Variants in CTNNA3 observed in about 807,000 individuals in gnomAD.
CTNNA3 encodes the protein catenin alpha 3.
In CTNNA3, 76 loss-of-function variants were observed where a neutral mutation model predicts 95.7. That is an observed-to-expected ratio of 0.79 (90% CI 0.66 to 0.96). The LOEUF is 0.96. CTNNA3 is among the 40% of genes least tolerant of loss of function. CTNNA3 has a pLI of 0.00. For synonymous variants in CTNNA3, 431 were observed against 374.4 expected, an observed-to-expected ratio of 1.15 and a Z score of -1.74; for missense variants, 1,191 against 1,089.8, an observed-to-expected ratio of 1.09 and a Z score of -1.31.
At chr10:66,346,377 C>G (rs1330939947) in intron 12 of CTNNA3, among the ~76,000 whole-genome samples, 1 of 151,088 alleles carries the variant, frequency 6.6e-6, no homozygotes, top group Non-Finnish European at 1.5e-5. Context: ...CTCCTGAGTT[C>G]AAGCAATTAT....
chr10:67,490,049 C>T (rs1349224609), intron 5 of CTNNA3, among the ~76,000 whole-genome samples: 1 of 152,018 alleles, frequency 6.6e-6, no homozygotes, highest in Non-Finnish European at 1.5e-5. Flanking sequence ...ATGTATTTTC[C>T]CACTGGTCAT....
At chr10:66,127,446 C>T (rs1170961427) in intron 13 of CTNNA3, among the ~76,000 whole-genome samples, 1 of 152,062 alleles carries the variant, frequency 6.6e-6, no homozygotes, top group African/African-American at 2.4e-5. Context: ...TATTCCCAGA[C>T]TAATCATAAG....
At chr10:66,452,497 G>A (rs1026330067) in intron 11 of CTNNA3, among the ~76,000 whole-genome samples, 5 of 152,040 alleles carry the variant, frequency 3.3e-5, no homozygotes, top group South Asian at 4.2e-4. Context: ...AGCTAACTAC[G>A]GGAGAAACTT....
At chr10:66,161,379 A>C (rs536636814) in intron 13 of CTNNA3, among the ~76,000 whole-genome samples, 27 of 152,266 alleles carry the variant, frequency 1.8e-4, no homozygotes, top group Non-Finnish European at 2.8e-4. Context: ...AGCCATTCTT[A>C]TAGTGGTGGC....
At position 65,987,096 on chromosome 10, in the gene CTNNA3, A is replaced by T. The variant is rs920761888; in HGVS notation, c.2265+1596T>A. 2.0e-4 allele frequency among the ~76,000 whole-genome samples: 30 copies of T among 151,960 alleles called. 1 individual carries two copies. The highest frequency in any genetic ancestry group is 6.8e-4 in the African/African-American group (28 of 41,436). On this transcript the variant is annotated intron_variant, in intron 16 of 17. Coordinates refer to ENST00000433211, the MANE Select transcript of CTNNA3 (RefSeq NM_013266.4). ...GCATAAAATCCAAAACTATAAAACT[A>T]GTAGAAGAAAACACGGGGCTTCAGG...
chr10:66,282,880 T>G (rs1589028278), intron 12 of CTNNA3, among the ~76,000 whole-genome samples: 1 of 151,966 alleles, frequency 6.6e-6, no homozygotes, highest in East Asian at 1.9e-4. Flanking sequence ...AATGATCGAA[T>G]GAATTAAGTG....
Position 66,388,337 on chromosome 10 carries a change from G to A in CTNNA3, c.1532-8985C>T, listed in dbSNP as rs562455758. On this transcript the variant is annotated intron_variant, in intron 11 of 17. Transcript: ENST00000433211. ...ACTATGTAATTTCTCTTTAATTAAA[G>A]ATGAAATGATAGCTTGTACAAACTA... 2.5e-3 allele frequency among the ~76,000 whole-genome samples: 382 copies of A among 152,196 alleles called. 1 individual carries two copies. The highest frequency in any genetic ancestry group is 4.0e-3 in the Non-Finnish European group (273 of 67,998).
intron 7 of CTNNA3, among the ~76,000 whole-genome samples, chr10:67,129,469 T>G (rs893584922): frequency 1.3e-5 from 2 of 152,162 alleles, no homozygotes; most frequent in Non-Finnish European, 1.5e-5. Context: ...CAAACAGTTA[T>G]GAATTAAATC....
chr10:66,222,990 G>A (rs190243812), intron 13 of CTNNA3, among the ~76,000 whole-genome samples: 275 of 152,030 alleles, frequency 1.8e-3, no homozygotes, highest in Non-Finnish European at 3.4e-3. Flanking sequence ...TTTAGAGTGT[G>A]GATACTTAGA....
chr10:66,033,356 C>T lies in CTNNA3; in HGVS notation c.2159+35952G>A, dbSNP rs373519187. 1.8e-4 allele frequency among the ~76,000 whole-genome samples: 28 copies of T among 151,934 alleles called. No individual in the cohort carries two copies. In the South Asian group the frequency reaches 4.4e-3, roughly 24 times the overall value. On this transcript the variant is annotated intron_variant, in intron 15 of 17. Coordinates refer to ENST00000433211, the MANE Select transcript of CTNNA3 (RefSeq NM_013266.4). Reference sequence around the variant, plus strand: ...TTCACCATGTTAGCCGGGATGATCTCGATCTCCTGACCTCGTGGTCTGCCC... The same window carrying T: ...TTCACCATGTTAGCCGGGATGATCTTGATCTCCTGACCTCGTGGTCTGCCC...
At chr10:66,949,527 C>T (rs1269963610) in intron 7 of CTNNA3, among the ~76,000 whole-genome samples, 1 of 151,416 alleles carries the variant, frequency 6.6e-6, no homozygotes, top group African/African-American at 2.4e-5. Flanking sequence ...CATTGGACTC[C>T]ATCCTGGGCA....
chr10:66,733,312 T>C (rs1184465525), intron 9 of CTNNA3, among the ~76,000 whole-genome samples: 1 of 152,052 alleles, frequency 6.6e-6, no homozygotes, highest in African/African-American at 2.4e-5. Flanking sequence ...TTTTTTAAAT[T>C]TGTGCTAAGT....
chr10:67,003,906 G>A (rs1851820811), intron 7 of CTNNA3, among the ~76,000 whole-genome samples: 3 of 152,174 alleles, frequency 2.0e-5, no homozygotes, highest in Admixed American at 1.3e-4. Flanking sequence ...TAAACTGTGA[G>A]ACTATACCTT....
At chr10:65,956,151 T>C (rs1203301188) in intron 17 of CTNNA3, among the ~76,000 whole-genome samples, 1 of 152,200 alleles carries the variant, frequency 6.6e-6, no homozygotes, top group Non-Finnish European at 1.5e-5. Flanking sequence ...ATTCATTTCT[T>C]CTAGATTGTC....
At chr10:66,720,158 C>A (rs943054716) in intron 9 of CTNNA3, among the ~76,000 whole-genome samples, 2 of 151,834 alleles carry the variant, frequency 1.3e-5, no homozygotes, top group East Asian at 1.9e-4. Context: ...ATTGGAAAGA[C>A]CTTCTCTCTC....
intron 10 of CTNNA3, among the ~76,000 whole-genome samples, chr10:66,606,663 C>A (rs1203209040): frequency 6.6e-6 from 1 of 152,064 alleles, no homozygotes; most frequent in Non-Finnish European, 1.5e-5. Flanking sequence ...ATAACCTACT[C>A]CCAAATGGCT....
chr10:66,346,107 T>A (rs1047045027), intron 12 of CTNNA3, among the ~76,000 whole-genome samples: 6 of 149,676 alleles, frequency 4.0e-5, no homozygotes, highest in Non-Finnish European at 7.4e-5. Flanking sequence ...GAATATTTAG[T>A]TGGAAACCAT....
At chr10:67,367,358 T>C (rs2394378) in intron 5 of CTNNA3, among the ~76,000 whole-genome samples, 135,109 of 152,054 alleles carry the variant, frequency 0.89, 61,128 homozygotes, top group East Asian at 1. Flanking sequence ...TAATCAAAAC[T>C]ATGAGATCCC....
chr10:67,364,916 A>C lies in CTNNA3; in HGVS notation c.580-145046T>G, dbSNP rs1334433691. ...AACCAAAAAAGAGCCCACATAGCCA[A>C]GACAATCCTAAGCAAAAAGAACAAA... On this transcript the variant is annotated intron_variant, in intron 5 of 17. Coordinates refer to ENST00000433211, the MANE Select transcript of CTNNA3 (RefSeq NM_013266.4). 3.3e-5 allele frequency among the ~76,000 whole-genome samples: 5 copies of C among 152,208 alleles called. No homozygotes were observed. The South Asian group carries it at 1.0e-3, about 32-fold the overall frequency.
Sources: allele counts gnomAD v4.1 joint callset (sites outside exome capture counted in the v4.1 genomes callset), GRCh38; gene constraint gnomAD v4.1.1; transcripts MANE v1.5; gene names NCBI Gene and HGNC (gene_info 2026-07-23, HGNC 2026-07-21).